Variants in CDH20 observed in about 807,000 individuals in gnomAD.
The protein encoded by CDH20 is cadherin 20, also known as cadherin-20.
CDH20 carries 29 observed loss-of-function variants against 74.2 expected under a neutral mutation model. The observed-to-expected ratio is 0.39, with a 90% CI of 0.29 to 0.53. CDH20 has a LOEUF of 0.53. Ranked by LOEUF, CDH20 falls within the 20% of genes least tolerant of loss-of-function variation. The pLI is 0.69. For synonymous variants in CDH20, 469 were observed against 405.4 expected (o/e 1.16, Z -1.88); for missense variants, 988 against 1,048.3 (o/e 0.94, Z 0.79).
intron 1 of CDH20, among the ~76,000 whole-genome samples, chr18:61,475,591 T>C (rs1599110727): frequency 6.6e-6 from 1 of 152,220 alleles, no homozygotes; most frequent in East Asian, 1.9e-4. Context: ...ACTTGTTGCA[T>C]ATTTGGAAAA....
At chr18:61,349,324 T>C (rs1910228729) in intron 1 of CDH20, among the ~76,000 whole-genome samples, 1 of 152,172 alleles carries the variant, frequency 6.6e-6, no homozygotes, top group African/African-American at 2.4e-5. Flanking sequence ...CAGAAGACTT[T>C]CATGAACTGT....
intron 1 of CDH20, among the ~76,000 whole-genome samples, chr18:61,423,071 GTTCTTT>G (rs1279953373): frequency 6.6e-6 from 1 of 152,120 alleles, no homozygotes; most frequent in African/African-American, 2.4e-5. Context: ...ATTTCTTTCT[GTTCTTT>G]TTATCAAGAA....
chr18:61,486,251 T>C (rs1229006265), intron 1 of CDH20, among the ~76,000 whole-genome samples: 2 of 152,222 alleles, frequency 1.3e-5, no homozygotes, highest in African/African-American at 4.8e-5. Context: ...TCCCTAGTGA[T>C]GGACTTTGGT....
chr18:61,370,529 C>A (rs1910998959), intron 1 of CDH20, among the ~76,000 whole-genome samples: 1 of 151,962 alleles, frequency 6.6e-6, no homozygotes, highest in South Asian at 2.1e-4. Context: ...TTAAGGTGTA[C>A]AATGTGATGT....
intron 1 of CDH20, among the ~76,000 whole-genome samples, chr18:61,452,473 A>C (rs1051326594): frequency 6.6e-6 from 1 of 152,118 alleles, no homozygotes; most frequent in Non-Finnish European, 1.5e-5. Flanking sequence ...ATTTTCTTTA[A>C]ATTTTCTGTT....
At chr18:61,462,662 A>T (rs1909821694) in intron 1 of CDH20, among the ~76,000 whole-genome samples, 1 of 148,086 alleles carries the variant, frequency 6.8e-6, no homozygotes, top group South Asian at 2.2e-4. Context: ...GAAATCAAAC[A>T]ATAGTTGTTA....
chr18:61,403,127 C>A (rs1402758285), intron 1 of CDH20, among the ~76,000 whole-genome samples: 1 of 152,144 alleles, frequency 6.6e-6, no homozygotes, highest in East Asian at 1.9e-4. Context: ...GCTTTCAATG[C>A]CTTCCTCCTG....
At chr18:61,542,852 C>T (rs1568184184) in intron 9 of CDH20, among the ~76,000 whole-genome samples, 2 of 152,086 alleles carry the variant, frequency 1.3e-5, no homozygotes, top group African/African-American at 4.8e-5. Context: ...GTGCCAGGCT[C>T]TTTTTAACAA....
At chr18:61,508,622 CTATTATTATTAT>C (rs56980561) in intron 6 of CDH20, among the ~76,000 whole-genome samples, 121 of 151,530 alleles carry the variant, frequency 8.0e-4, no homozygotes, top group African/African-American at 2.6e-3. Context: ...AGATTGGAGA[CTATTATTATTAT>C]TATTATTATT....
At chr18:61,456,633 A>G (rs1012424372) in intron 1 of CDH20, among the ~76,000 whole-genome samples, 2 of 152,114 alleles carry the variant, frequency 1.3e-5, no homozygotes, top group African/African-American at 4.8e-5. Flanking sequence ...ACATTTTGCA[A>G]TGAAACACTT....
intron 2 of CDH20, among the ~76,000 whole-genome samples, chr18:61,497,867 C>A (rs1174424836): frequency 2.6e-5 from 4 of 152,154 alleles, no homozygotes; most frequent in Admixed American, 2.6e-4. Context: ...TGAACTTCAC[C>A]CTGGACTATG....
At chr18:61,552,837 GA>G (rs1295538207) in intron 11 of CDH20, among the ~76,000 whole-genome samples, 3 of 152,098 alleles carry the variant, frequency 2.0e-5, no homozygotes, top group Non-Finnish European at 4.4e-5. Flanking sequence ...TGCTCACTTC[GA>G]ATCTCACGTC....
chr18:61,499,451 T>A lies in CDH20; in HGVS notation c.512T>A (p.Val171Glu). The change falls in exon 3 of 12, where the codon GTG (valine) becomes GAG (glutamate). Residue 171 changes from valine to glutamate, a missense_variant. This residue lies in a region of CDH20 where 613 missense variants were observed against 755.2 expected (regional missense o/e 0.81). Coordinates refer to ENST00000262717, the MANE Select transcript of CDH20 (RefSeq NM_031891.4). Reference sequence around the variant, plus strand: ...CCCAAGTTCCTGGACGGACCTTATGTGGCCACTGTGCCAGAAATGTCCCCT... The same window carrying A: ...CCCAAGTTCCTGGACGGACCTTATGAGGCCACTGTGCCAGAAATGTCCCCT... ...NEPKFLDGPY[V>E]ATVPEMSPVG... 1 of 1,609,750 alleles carries A rather than the reference T, an allele frequency of 6.2e-7. No individual in the cohort carries two copies. The highest frequency in any genetic ancestry group is 8.5e-7 in the Non-Finnish European group (1 of 1,177,662).
chr18:61,417,630 G>C (rs1912733697), intron 1 of CDH20, among the ~76,000 whole-genome samples: 1 of 133,474 alleles, frequency 7.5e-6, no homozygotes, highest in Admixed American at 8.1e-5. Flanking sequence ...ATAGGGAGTA[G>C]AATAATGGTT....
At chr18:61,542,551 GCC>G (rs1162896090) in intron 9 of CDH20, among the ~76,000 whole-genome samples, 30 of 152,338 alleles carry the variant, frequency 2.0e-4, no homozygotes, top group Admixed American at 1.7e-3. Flanking sequence ...AGATGGGATA[GCC>G]AGACCCGTAT....
chr18:61,345,156 G>C (rs540178604), intron 1 of CDH20, among the ~76,000 whole-genome samples: 29 of 152,322 alleles, frequency 1.9e-4, no homozygotes, highest in African/African-American at 7.0e-4. Context: ...TTGAGCAAAA[G>C]ATTTAAAACA....
At chr18:61,385,553 A>T (rs572200537) in intron 1 of CDH20, among the ~76,000 whole-genome samples, 84 of 152,020 alleles carry the variant, frequency 5.5e-4, no homozygotes, top group Non-Finnish European at 9.3e-4. Flanking sequence ...CAAGGAAAAA[A>T]AATGAAATGA....
Position 61,353,779 on chromosome 18 carries a change from TA to T in CDH20, c.-153+19960del, listed in dbSNP as rs774029044. Among the ~76,000 whole-genome samples, 1 of 151,732 alleles carries T rather than the reference TA, an allele frequency of 6.6e-6. No individual in the cohort carries two copies. The highest frequency in any genetic ancestry group is 1.9e-4 in the East Asian group (1 of 5,178). ...GCTTTAAACTTATGTTAATAAAAGT[TA>T]AAAAAAATCTTTCAGTTCCAGCCAG... On this transcript the variant is annotated intron_variant, in intron 1 of 11. Coordinates refer to ENST00000262717, the MANE Select transcript of CDH20 (RefSeq NM_031891.4). The surrounding 1 kb of genome is among the most constrained non-coding windows in gnomAD (Gnocchi z 4.6).
chr18:61,505,100 G>T (rs1449512027), intron 5 of CDH20, among the ~76,000 whole-genome samples: 1 of 152,078 alleles, frequency 6.6e-6, no homozygotes, highest in Non-Finnish European at 1.5e-5. Flanking sequence ...ATAAATTCTT[G>T]AACACCCTTG....
Sources: allele counts gnomAD v4.1 joint callset (sites outside exome capture counted in the v4.1 genomes callset), GRCh38; gene constraint gnomAD v4.1.1; regional missense constraint gnomAD v4.1.1; non-coding constraint Gnocchi (gnomAD v3.1); transcripts MANE v1.5; gene names NCBI Gene and HGNC (gene_info 2026-07-23, HGNC 2026-07-21).